MDFIC: variants seen among roughly 807,000 people sequenced by gnomAD.
The protein encoded by MDFIC is myoD family inhibitor domain-containing protein.
Under a neutral mutation model 23.2 loss-of-function variants are expected in MDFIC, and 17 were observed. The observed-to-expected ratio is 0.73, with a 90% CI of 0.50 to 1.10. The LOEUF (loss-of-function observed/expected upper bound fraction) is 1.10, where lower values mean the gene tolerates loss of function less well. Among genes scored for constraint, MDFIC ranks in the 50% least tolerant of loss-of-function variants. The pLI is 0.00. For missense variants in MDFIC, 356 were observed against 316.6 expected, an observed-to-expected ratio of 1.12 and a Z score of -0.95; for synonymous variants, 120 against 115.2, an observed-to-expected ratio of 1.04 and a Z score of -0.27.
intron 3 of MDFIC, among the ~76,000 whole-genome samples, chr7:114,948,634 C>T (rs28459103): frequency 6.6e-6 from 1 of 151,500 alleles, no homozygotes; most frequent in Non-Finnish European, 1.5e-5. Flanking sequence ...TTCCTCTTTT[C>T]TTCTTCTTTC....
intron 3 of MDFIC, among the ~76,000 whole-genome samples, chr7:114,965,408 G>T (rs4565402): frequency 1.2e-4 from 19 of 152,164 alleles, no homozygotes; most frequent in Non-Finnish European, 2.5e-4. Flanking sequence ...TTATTTTTTA[G>T]AAATGTATTT....
chr7:114,954,853 T>A (rs1792854209), intron 3 of MDFIC, among the ~76,000 whole-genome samples: 1 of 152,192 alleles, frequency 6.6e-6, no homozygotes, highest in Non-Finnish European at 1.5e-5. Flanking sequence ...CCTTATTCTA[T>A]CTGTAGGATT....
chr7:114,955,392 G>T lies in MDFIC; in HGVS notation c.217+12995G>T, dbSNP rs77262362. On this transcript the variant is annotated intron_variant, in intron 3 of 4. Transcript: ENST00000393486. ...TGTTACCCATCTCTCCACGTCTCCC[G>T]CCCAACAAGCAAGGCTCGTGTGATT... Among the ~76,000 whole-genome samples, 453 of 152,066 alleles carry T rather than the reference G, an allele frequency of 3.0e-3. 1 individual carries two copies. Among genetic ancestry groups the T allele is most frequent in the Non-Finnish European group, 3.6e-3 (248 of 67,988 alleles).
At chr7:115,006,850 G>T (rs557291197) in intron 4 of MDFIC, among the ~76,000 whole-genome samples, 1 of 152,188 alleles carries the variant, frequency 6.6e-6, no homozygotes, top group Non-Finnish European at 1.5e-5. Context: ...ATTCACCTTT[G>T]TTATTATTTA....
chr7:114,985,083 A>G (rs1374009623), intron 4 of MDFIC, among the ~76,000 whole-genome samples: 1 of 152,178 alleles, frequency 6.6e-6, no homozygotes, highest in Non-Finnish European at 1.5e-5. Flanking sequence ...CAGACTCTGA[A>G]ACTAGCCTGG....
rs143974990 is a variant in MDFIC at position 114,938,355 on chromosome 7, A to G, written c.95-3920A>G. On this transcript the variant is annotated intron_variant, in intron 2 of 4. Coordinates refer to ENST00000393486, the MANE Select transcript of MDFIC (RefSeq NM_001166345.3). Reference sequence around the variant, plus strand: ...TACAAATCTATTTTCTAGTACTTGGAATACTGTGACAAGGGGATGAGTAGC... The same window carrying G: ...TACAAATCTATTTTCTAGTACTTGGGATACTGTGACAAGGGGATGAGTAGC... 3.8e-3 allele frequency among the ~76,000 whole-genome samples: 586 copies of G among 152,352 alleles called. 3 individuals are homozygous for G. Among genetic ancestry groups the G allele is most frequent in the Non-Finnish European group, 5.4e-3 (365 of 68,032 alleles).
chr7:115,016,594 C>T lies in MDFIC; in HGVS notation c.*659C>T, dbSNP rs939810879. On this transcript the variant is annotated 3_prime_UTR_variant, in exon 5 of 5. Transcript: ENST00000393486. ...GTTGCAGTGAGCCGAGATTGTGCCA[C>T]TGAACTCCAACCTGCACTCCAGCCT... The T allele has an allele frequency of 4.5e-5, 7 of 154,872 alleles. No homozygotes were observed. Among genetic ancestry groups the T allele is most frequent in the African/African-American group, 1.7e-4 (7 of 41,422 alleles). 9.6% of individuals were successfully genotyped at this position (154,872 alleles called of 1,614,324 possible). A position where few individuals can be genotyped will look rare whatever the true frequency, so the allele number is the denominator to read the frequency against.
Position 114,923,087 on chromosome 7 carries a change from G to A in MDFIC, c.54G>A (p.Val18=), listed in dbSNP as rs1244094349. Residue 18 remains valine (V), a synonymous_variant, in exon 2 of 5, where the codon GTG becomes GTA. Coordinates refer to ENST00000393486, the MANE Select transcript of MDFIC (RefSeq NM_001166345.3). ...LAPGPVGPQR[V]AEAGGGQLGS... ...CCGGGCCCGTGGGGCCGCAGCGCGT[G>A]GCCGAGGCGGGCGGCGGCCAGCTGG... 6.9e-7 allele frequency: 1 copy of A among 1,440,166 alleles called. No individual in the cohort carries two copies. The highest frequency in any genetic ancestry group is 9.1e-7 in the Non-Finnish European group (1 of 1,098,154). 89.2% of individuals were successfully genotyped at this position (1,440,166 alleles called of 1,614,324 possible). A position where few individuals can be genotyped will look rare whatever the true frequency, so the allele number is the denominator to read the frequency against.
chr7:114,929,185 C>A (rs1296931225), intron 2 of MDFIC, among the ~76,000 whole-genome samples: 2 of 151,674 alleles, frequency 1.3e-5, no homozygotes, highest in Non-Finnish European at 2.9e-5. Context: ...CGGCTCACTG[C>A]AACTTCCACC....
At chr7:114,927,057 C>T (rs578259300) in intron 2 of MDFIC, among the ~76,000 whole-genome samples, 8 of 152,138 alleles carry the variant, frequency 5.3e-5, no homozygotes, top group African/African-American at 1.9e-4. Context: ...CAGGGACACT[C>T]CTGAACATTT....
intron 4 of MDFIC, among the ~76,000 whole-genome samples, chr7:115,008,449 C>T (rs556399472): frequency 1.3e-3 from 202 of 152,302 alleles, no homozygotes; most frequent in Non-Finnish European, 2.4e-3. Context: ...TGACCCATCT[C>T]ACTTTGTTCC....
chr7:114,922,699 A>G (rs1009892501), intron 1 of MDFIC, 63 bp downstream of exon 1: 2 of 1,365,132 alleles, frequency 1.5e-6, no homozygotes, highest in African/African-American at 3.1e-5. Context: ...GGGTTCTCCC[A>G]AACCCGATCT....
intron 4 of MDFIC, among the ~76,000 whole-genome samples, chr7:115,000,761 A>G (rs1028419040): frequency 6.6e-6 from 1 of 152,226 alleles, no homozygotes; most frequent in African/African-American, 2.4e-5. Flanking sequence ...TTACCAGTGC[A>G]TAGTCAGCAA....
intron 3 of MDFIC, among the ~76,000 whole-genome samples, chr7:114,943,116 T>C (rs1326919391): frequency 2.6e-5 from 4 of 152,218 alleles, no homozygotes; most frequent in Non-Finnish European, 4.4e-5. Flanking sequence ...AGTAAATCTT[T>C]TGATATTCCC....
chr7:114,980,029 T>C, intron 4 of MDFIC: 1 of 508,600 alleles, frequency 2.0e-6, no homozygotes, highest in Non-Finnish European at 3.6e-6. Flanking sequence ...ATATAACTGC[T>C]ATACTTCTTT....
chr7:114,974,594 C>T (rs528443412), intron 3 of MDFIC, among the ~76,000 whole-genome samples: 1 of 152,128 alleles, frequency 6.6e-6, no homozygotes, highest in South Asian at 2.1e-4. Flanking sequence ...TGACCAGTGG[C>T]TGAAGATGAT....
At chr7:114,943,873 T>C (rs968300884) in intron 3 of MDFIC, among the ~76,000 whole-genome samples, 2 of 152,166 alleles carry the variant, frequency 1.3e-5, no homozygotes, top group Non-Finnish European at 2.9e-5. Flanking sequence ...TTTATTTCCT[T>C]AATCTCTTTT....
intron 3 of MDFIC, among the ~76,000 whole-genome samples, chr7:114,966,422 G>C (rs200482395): frequency 7.6e-6 from 1 of 131,740 alleles, no homozygotes; most frequent in Non-Finnish European, 1.7e-5. Flanking sequence ...AAAAAAAAAA[G>C]GAAAAAACAC....
chr7:114,979,660 A>G lies in MDFIC; in HGVS notation c.372A>G (p.Ser124=), dbSNP rs373321959. ...KHGSADNRKL[S]APVSQKMHRK... is the part of the protein sequence containing the mutation. ...GATCCGCAGATAATCGCAAACTTTC[A>G]GCACCTGTTTCTCAAAAAATGCATA... Residue 124 remains serine (S), a synonymous_variant, in exon 4 of 5, where the codon TCA becomes TCG. Transcript: ENST00000393486. 266 of 1,613,964 alleles carry G rather than the reference A, an allele frequency of 1.6e-4. 1 individual carries two copies. Among genetic ancestry groups the G allele is most frequent in the Non-Finnish European group, 2.1e-4 (249 of 1,180,000 alleles).
Sources: gnomAD v4.1 joint callset for allele counts (sites outside exome capture counted in the v4.1 genomes callset) on GRCh38, gnomAD v4.1.1 for gene constraint, MANE v1.5 for transcripts, NCBI Gene and HGNC (gene_info 2026-07-23, HGNC 2026-07-21) for gene names.